The following GSTZ1 variants were observed in gnomAD, a reference collection of about 807,000 sequenced individuals.
The protein encoded by GSTZ1 is maleylacetoacetate isomerase.
GSTZ1 carries 34 observed loss-of-function variants against 35.9 expected under a neutral mutation model. The ratio of observed to expected loss-of-function variants is 0.95; its 90% confidence interval spans 0.72 to 1.26. GSTZ1 has a LOEUF of 1.26. Ranked by LOEUF, GSTZ1 falls within the 50% of genes most tolerant of loss-of-function variation. The pLI, the probability that GSTZ1 is intolerant of heterozygous loss-of-function variation, is 0.00. For synonymous variants in GSTZ1, 93 were observed against 101.2 expected (o/e 0.92, Z 0.49); for missense variants, 263 against 271.7 (o/e 0.97, Z 0.23).
intron 1 of GSTZ1, chr14:77,324,370 C>T (rs1892193186): frequency 5.3e-6 from 3 of 564,412 alleles, no homozygotes; most frequent in Non-Finnish European, 6.4e-6. Context: ...TGGTCTCAAA[C>T]TCCTCACCTC....
intron 1 of GSTZ1, chr14:77,321,481 C>T (rs1329463431): frequency 7.4e-6 from 11 of 1,477,764 alleles, no homozygotes; most frequent in Admixed American, 4.3e-5. Context: ...CAGACCCCTC[C>T]CTCCACTAAG....
Position 77,327,964 on chromosome 14 carries a change from C to T in GSTZ1, c.269C>T (p.Pro90Leu). ...ATGCGTCCCACTCCGCGACTTCTGC[C>T]TCAGGACCCAAAGAAGAGGGCCAGC... is the stretch of plus-strand genomic sequence containing the variant. ...EEMRPTPRLL[P>L]QDPKKRASVR... is the part of the protein sequence containing the mutation. Residue 90 changes from proline (P) to leucine (L), a missense_variant, in exon 5 of 9, where the codon CCT (proline) becomes CTT (leucine). Coordinates refer to ENST00000216465, the MANE Select transcript of GSTZ1 (RefSeq NM_145870.3). 2 of 1,614,000 alleles carry T rather than the reference C, an allele frequency of 1.2e-6. No homozygotes were observed. The highest frequency in any genetic ancestry group is 1.7e-6 in the Non-Finnish European group (2 of 1,179,892).
intron 2 of GSTZ1, chr14:77,326,625 G>A: frequency 1.8e-6 from 1 of 541,172 alleles, no homozygotes; most frequent in Non-Finnish European, 3.3e-6. Flanking sequence ...GTTCAGGGGT[G>A]AGTGAGGCAG....
chr14:77,324,704 C>A, intron 1 of GSTZ1, 166 bp from the exon 2 acceptor site: 1 of 1,198,338 alleles, frequency 8.3e-7, no homozygotes, highest in Non-Finnish European at 1.2e-6. Flanking sequence ...ATTTTGGAGC[C>A]AAGGGACCTC....
At chr14:77,321,527 G>T (rs1309373688) in intron 1 of GSTZ1, 1 of 1,324,254 alleles carries the variant, frequency 7.6e-7, no homozygotes, top group African/African-American at 1.5e-5. Flanking sequence ...CCAATTTCTC[G>T]CAGCCCTTCA....
At position 77,327,978 on chromosome 14, in the gene GSTZ1, AAG is replaced by A; in HGVS notation, c.286_287del (p.Arg96GlyfsTer8). On this transcript the variant is annotated frameshift_variant, in exon 5 of 9. Transcript: ENST00000216465. LOFTEE classifies it high-confidence loss of function. ...GCGACTTCTGCCTCAGGACCCAAAG[AAG>A]AGGGCCAGCGTGCGTATGATTTCTG... The part of the protein sequence containing the change: ...TPRLLPQDPK[K>X]RASVRMISDL... 6.2e-7 allele frequency: 1 copy of A among 1,614,010 alleles called. No individual in the cohort carries two copies. The highest frequency in any genetic ancestry group is 8.5e-7 in the Non-Finnish European group (1 of 1,179,938).
At chr14:77,324,625 A>G (rs1445585826) in intron 1 of GSTZ1, 35 of 1,529,716 alleles carry the variant, frequency 2.3e-5, no homozygotes, top group Non-Finnish European at 3.1e-5. Flanking sequence ...CTGGCAAGGT[A>G]TGGAAGGCAC....
Position 77,327,899 on chromosome 14 carries a change from C to T in GSTZ1, c.217-13C>T, listed in dbSNP as rs573735517. ...TGGGCCCTCTCCCTGCCTCACTGCTCCCCTCTGGACAGCTGGCCATCATTG... is the reference window on the plus strand; with the variant it reads ...TGGGCCCTCTCCCTGCCTCACTGCTTCCCTCTGGACAGCTGGCCATCATTG... On this transcript the variant is annotated splice_polypyrimidine_tract_variant and intron_variant, in intron 4 of 8. Coordinates refer to ENST00000216465, the MANE Select transcript of GSTZ1 (RefSeq NM_145870.3). 345 of 1,613,656 alleles carry T rather than the reference C, an allele frequency of 2.1e-4. 3 individuals carry two copies. The South Asian group carries it at 3.5e-3, about 17-fold the overall frequency.
In GSTZ1 at chr14:77,327,987, A is replaced by G; in HGVS notation, c.292A>G (p.Ser98Gly). ...LLPQDPKKRA[S>G]VRMISDLIAG... ...GCCTCAGGACCCAAAGAAGAGGGCC[A>G]GCGTGCGTATGATTTCTGACCTCAT... is the stretch of plus-strand genomic sequence containing the variant. Residue 98 changes from serine (S) to glycine (G), a missense_variant, in exon 5 of 9, where the codon AGC becomes GGC. By Grantham distance (56) the Ser-to-Gly change is moderately conservative. Coordinates refer to ENST00000216465, the MANE Select transcript of GSTZ1 (RefSeq NM_145870.3). 6.2e-7 allele frequency: 1 copy of G among 1,614,112 alleles called. No homozygotes were observed. Among genetic ancestry groups the G allele is most frequent in the Non-Finnish European group, 8.5e-7 (1 of 1,179,972 alleles).
rs571494418 is a variant in GSTZ1, at chr14:77,330,946, C to T, written c.525-123C>T. ...CCCCTGTGAATAAGGGCTGCCCCAT[C>T]GTCCTTCCCTGGACAGCTCCCTCGA... On this transcript the variant is annotated intron_variant, in intron 8 of 8. Coordinates refer to ENST00000216465, the MANE Select transcript of GSTZ1 (RefSeq NM_145870.3). The T allele has an allele frequency of 3.1e-4, 267 of 850,222 alleles. 3 individuals carry two copies. In the South Asian group the frequency reaches 4.1e-3, roughly 13 times the overall value. The allele number at this position is 850,222 out of a possible 1,614,324, so 52.7% of individuals were successfully genotyped here.
At chr14:77,331,018 T>C (rs749514147) in intron 8 of GSTZ1, 51 bp from the exon 9 acceptor site, 1 of 1,576,644 alleles carries the variant, frequency 6.3e-7, no homozygotes, top group East Asian at 2.3e-5. Flanking sequence ...ATCAGGGCAG[T>C]CTCCCTGTGT....
intron 2 of GSTZ1, chr14:77,325,298 G>C (rs543646400): frequency 3.8e-6 from 1 of 262,126 alleles, no homozygotes. Flanking sequence ...CAAACAGAAC[G>C]GGCCAGCATC....
rs761071070 is a variant in GSTZ1, at chr14:77,330,352, G to A, written c.517G>A (p.Ala173Thr). ...GTGCTTGGTGCCTCAGGTGGCAAAT[G>A]CTGAAAGGTAAGAGAGAGCCCCGCC... ...DLCLVPQVAN[A>T]ERFKVDLTPY... Residue 173 changes from alanine (A) to threonine (T), a missense_variant, in exon 8 of 9, where the codon GCT (alanine) becomes ACT (threonine). Ala to Thr is a moderately conservative substitution (Grantham distance 58). Coordinates refer to ENST00000216465, the MANE Select transcript of GSTZ1 (RefSeq NM_145870.3). The A allele has an allele frequency of 1.9e-6, 3 of 1,613,226 alleles. No homozygotes were observed. The South Asian group carries it at 3.3e-5, about 18-fold the overall frequency.
intron 1 of GSTZ1, chr14:77,324,097 C>A: frequency 5.9e-6 from 1 of 170,446 alleles, no homozygotes. Flanking sequence ...GGGGGGACAC[C>A]AAACCTGGCC....
intron 1 of GSTZ1, 109 bp downstream of exon 1, chr14:77,321,292 G>T (rs1230306873): frequency 5.9e-6 from 9 of 1,522,392 alleles, no homozygotes; most frequent in Non-Finnish European, 7.1e-6. Context: ...AACGACTCCC[G>T]GCATGCAGTG....
At chr14:77,328,864 G>T in intron 5 of GSTZ1, 1 of 548,202 alleles carries the variant, frequency 1.8e-6, no homozygotes, top group South Asian at 2.1e-5. Flanking sequence ...ACATGAATAG[G>T]GATTCTTGCA....
intron 8 of GSTZ1, among the ~76,000 whole-genome samples, chr14:77,330,642 A>C (rs1056740000): frequency 6.6e-6 from 1 of 152,046 alleles, no homozygotes; most frequent in Non-Finnish European, 1.5e-5. Flanking sequence ...GATGTCCTCA[A>C]ATGTGGTGTG....
In GSTZ1 at chr14:77,327,470, A is replaced by G. The variant is rs1303562049; in HGVS notation, c.136-2A>G. 2 of 1,600,412 alleles carry G rather than the reference A, an allele frequency of 1.2e-6. No individual in the cohort carries two copies. Among genetic ancestry groups the G allele is most frequent in the Non-Finnish European group, 1.7e-6 (2 of 1,171,324 alleles). On this transcript the variant is annotated splice_acceptor_variant, in intron 3 of 8. Coordinates refer to ENST00000216465, the MANE Select transcript of GSTZ1 (RefSeq NM_145870.3). LOFTEE classifies it high-confidence loss of function. ...CAGCCCACCAGGGCCTTGTCTCCAC[A>G]GTTTTCTAAGGACTTCCAGGCACTG... is the stretch of plus-strand genomic sequence containing the variant.
rs909713865 is a variant in GSTZ1, at chr14:77,324,868, A to G, written c.16-2A>G. ...ACGCGCCTTCATCCTCTCTCTCCTC[A>G]GCCCATCCTCTATTCCTATTTCCGA... On this transcript the variant is annotated splice_acceptor_variant, in intron 1 of 8. Transcript: ENST00000216465. LOFTEE classifies it high-confidence loss of function. The G allele has an allele frequency of 6.8e-6, 11 of 1,613,850 alleles. No individual in the cohort carries two copies. The highest frequency in any genetic ancestry group is 1.1e-5 in the South Asian group (1 of 91,080).
Sources: gnomAD v4.1 joint callset for allele counts (sites outside exome capture counted in the v4.1 genomes callset) on GRCh38, gnomAD v4.1.1 for gene constraint, MANE v1.5 for transcripts, NCBI Gene and HGNC (gene_info 2026-07-23, HGNC 2026-07-21) for gene names.